JADE1: variants seen among roughly 807,000 people sequenced by gnomAD.
The protein encoded by JADE1 is protein Jade-1.
A neutral mutation model predicts 81.8 loss-of-function variants in JADE1; 14 were observed. That is an observed-to-expected ratio of 0.17 (90% CI 0.11 to 0.27). JADE1 has a LOEUF of 0.27. Among genes scored for constraint, JADE1 ranks in the 10% least tolerant of loss-of-function variants. JADE1 has a pLI of 1.00. For missense variants in JADE1, 690 were observed against 1,047.9 expected, an observed-to-expected ratio of 0.66 and a Z score of 4.71; for synonymous variants, 353 against 391.9, an observed-to-expected ratio of 0.90 and a Z score of 1.17.
rs1327692438 is a variant in JADE1, at chr4:128,874,869, CAAG to C, written c.*2609_*2611del. The C allele has an allele frequency of 1.8e-4, 28 of 152,436 alleles. No individual in the cohort carries two copies. Among genetic ancestry groups the C allele is most frequent in the Non-Finnish European group, 3.2e-4 (22 of 68,006 alleles). 9.4% of individuals were successfully genotyped at this position (152,436 alleles called of 1,614,324 possible). A position where few individuals can be genotyped will look rare whatever the true frequency, so the allele number is the denominator to read the frequency against. ...AATGTCATTTGTTAGGTTATAAACA[CAAG>C]ATCTAAATGAAGGGTTTTATGTGTT... On this transcript the variant is annotated 3_prime_UTR_variant, in exon 11 of 11. Transcript: ENST00000226319.
intron 8 of JADE1, among the ~76,000 whole-genome samples, chr4:128,859,622 C>T (rs1041709996): frequency 3.3e-5 from 5 of 152,114 alleles, no homozygotes; most frequent in Admixed American, 6.6e-5. Context: ...TGTGTATGCA[C>T]GTGTGCACTG....
chr4:128,870,897 G>C (rs1228167277), intron 10 of JADE1, among the ~76,000 whole-genome samples: 1 of 152,134 alleles, frequency 6.6e-6, no homozygotes, highest in African/African-American at 2.4e-5. Context: ...CAGACACATA[G>C]AGAAACTTAC....
intron 1 of JADE1, among the ~76,000 whole-genome samples, chr4:128,817,773 T>C (rs1727175392): frequency 6.6e-6 from 1 of 152,198 alleles, no homozygotes; most frequent in African/African-American, 2.4e-5. Flanking sequence ...ATGGAAGCTC[T>C]CCCCCAGAAA....
intron 1 of JADE1, among the ~76,000 whole-genome samples, chr4:128,829,050 C>T (rs1209558846): frequency 6.6e-6 from 1 of 152,174 alleles, no homozygotes; most frequent in South Asian, 2.1e-4. Flanking sequence ...TTACCTCTTG[C>T]TGGATCCTGA....
rs1239276257 is a variant in JADE1, at chr4:128,874,394, T to C, written c.*2132T>C. On this transcript the variant is annotated 3_prime_UTR_variant, in exon 11 of 11. Transcript: ENST00000226319. ...TTTGCACTATTAGGAATGCTAGTTT[T>C]GTGCAAAAATAATGCCTTACCTGTT... 1.3e-5 allele frequency: 2 copies of C among 152,588 alleles called. No homozygotes were observed. The highest frequency in any genetic ancestry group is 1.3e-4 in the Admixed American group (2 of 15,288). 9.5% of individuals were successfully genotyped at this position (152,588 alleles called of 1,614,324 possible).
At chr4:128,863,223 C>A (rs1366631270) in intron 9 of JADE1, 1 of 985,402 alleles carries the variant, frequency 1.0e-6, no homozygotes, top group Non-Finnish European at 1.2e-6. Context: ...CCCGCTAGGG[C>A]CTCCTGCTCC....
chr4:128,844,197 C>T (rs1307849999), intron 3 of JADE1, among the ~76,000 whole-genome samples: 1 of 152,168 alleles, frequency 6.6e-6, no homozygotes, highest in Admixed American at 6.5e-5. Context: ...CACAGGAATA[C>T]AAGGGGGACT....
intron 2 of JADE1, among the ~76,000 whole-genome samples, chr4:128,833,622 A>T (rs1296461751): frequency 6.6e-6 from 1 of 152,162 alleles, no homozygotes; most frequent in African/African-American, 2.4e-5. Flanking sequence ...TGAACCCAGG[A>T]GACGGAGGTT....
chr4:128,864,135 G>A (rs1016999955), intron 9 of JADE1: 2 of 978,616 alleles, frequency 2.0e-6, no homozygotes, highest in Admixed American at 6.2e-5. Flanking sequence ...GAACTTTAAA[G>A]AATTTGTATT....
Position 128,849,162 on chromosome 4 carries a change from A to C in JADE1, c.479A>C (p.Glu160Ala). The C allele has an allele frequency of 6.2e-7, 1 of 1,607,090 alleles. No homozygotes were observed. The highest frequency in any genetic ancestry group is 8.5e-7 in the Non-Finnish European group (1 of 1,175,360). The change falls in exon 5 of 11, where the codon GAG becomes GCG. Residue 160 changes from glutamate to alanine, a missense_variant. Physicochemically the swap from Glu to Ala is moderately radical, Grantham distance 107. Transcript: ENST00000226319. ...WLELTNEEFK[E>A]MGMPELDEYT... is the part of the protein sequence containing the mutation. ...GAACTGACCAATGAAGAATTTAAGG[A>C]GATGGGTGAGAGACCATGTATTCTA...
At chr4:128,864,012 GT>G in intron 9 of JADE1, 2 of 985,374 alleles carry the variant, frequency 2.0e-6, no homozygotes, top group Non-Finnish European at 2.4e-6. Flanking sequence ...AGTCATCACT[GT>G]CGCTGTTTAA....
intron 10 of JADE1, among the ~76,000 whole-genome samples, chr4:128,869,883 C>G (rs908198037): frequency 6.6e-6 from 1 of 152,132 alleles, no homozygotes; most frequent in Non-Finnish European, 1.5e-5. Context: ...CAGTCGTGTT[C>G]TTATTCATGC....
intron 9 of JADE1, chr4:128,864,315 T>G: frequency 3.7e-6 from 2 of 544,796 alleles, no homozygotes; most frequent in Non-Finnish European, 4.7e-6. Context: ...GCCTGGCTAA[T>G]TTTTGTATTT....
chr4:128,811,566 C>A (rs1726374552), intron 1 of JADE1, among the ~76,000 whole-genome samples: 1 of 139,766 alleles, frequency 7.2e-6, no homozygotes, highest in Admixed American at 7.2e-5. Context: ...GGGCGGGCGG[C>A]GGCCGAGGCG....
chr4:128,850,604 G>A (rs1298703207), intron 5 of JADE1, among the ~76,000 whole-genome samples: 1 of 152,194 alleles, frequency 6.6e-6, no homozygotes, highest in Non-Finnish European at 1.5e-5. Context: ...AGGCCACAAG[G>A]TGGTTTTATG....
Position 128,842,579 on chromosome 4 carries a change from C to T in JADE1, c.53-374C>T, listed in dbSNP as rs3891540. Among the ~76,000 whole-genome samples the T allele has an allele frequency of 1.0e-3, 154 of 152,274 alleles. 1 individual carries two copies. Among genetic ancestry groups the T allele is most frequent in the African/African-American group, 3.5e-3 (145 of 41,554 alleles). On this transcript the variant is annotated intron_variant, in intron 2 of 10. Transcript: ENST00000226319. The stretch of plus-strand genomic sequence containing the variant: ...CTTCCCAAAGTGCTGGGATTACAGG[C>T]GTGAGCCGCCACCCCTGGCCTGATA...
At chr4:128,814,560 A>AT (rs1229255818) in intron 1 of JADE1, among the ~76,000 whole-genome samples, 3 of 144,692 alleles carry the variant, frequency 2.1e-5, no homozygotes, top group South Asian at 2.2e-4. Context: ...ATCTGTAAGG[A>AT]TTTTTTCTTT....
chr4:128,826,817 G>A (rs539199048), intron 1 of JADE1, among the ~76,000 whole-genome samples: 2 of 152,296 alleles, frequency 1.3e-5, no homozygotes, highest in South Asian at 4.1e-4. Flanking sequence ...GTAGTTGATT[G>A]AATACTGACA....
chr4:128,830,035 G>A (rs1454202000), intron 1 of JADE1, among the ~76,000 whole-genome samples: 5 of 151,228 alleles, frequency 3.3e-5, no homozygotes, highest in Admixed American at 6.6e-5. Flanking sequence ...GCGCCACCAC[G>A]CACGGCTAAT....
Sources: gnomAD v4.1 joint callset for allele counts (sites outside exome capture counted in the v4.1 genomes callset) on GRCh38, gnomAD v4.1.1 for gene constraint, MANE v1.5 for transcripts, NCBI Gene and HGNC (gene_info 2026-07-23, HGNC 2026-07-21) for gene names.